Variants in LGALS8 observed in about 807,000 individuals in gnomAD.
The protein encoded by LGALS8 is galectin-8.
LGALS8 carries 30 observed loss-of-function variants against 35.9 expected under a neutral mutation model. The ratio of observed to expected loss-of-function variants is 0.83; its 90% CI spans 0.62 to 1.13. The LOEUF is 1.13. Among genes scored for constraint, LGALS8 ranks in the 50% most tolerant of loss-of-function variants. The pLI is 0.00. For missense variants in LGALS8, 366 were observed against 388.7 expected, an observed-to-expected ratio of 0.94 and a Z score of 0.49; for synonymous variants, 138 against 136.1, an observed-to-expected ratio of 1.01 and a Z score of -0.10.
At chr1:236,541,595 A>G in intron 5 of LGALS8, 59 bp from the exon 6 acceptor site, 1 of 754,128 alleles carries the variant, frequency 1.3e-6, no homozygotes, top group South Asian at 1.8e-5. Flanking sequence ...TCAATATAAA[A>G]TATTTAGAAA....
chr1:236,524,465 C>T (rs756292192), intron 1 of LGALS8: 5 of 456,298 alleles, frequency 1.1e-5, no homozygotes, highest in East Asian at 1.4e-4. Flanking sequence ...AGTTTCCTTC[C>T]CGGAATTTGT....
chr1:236,532,542 C>G (rs113592401), intron 2 of LGALS8, among the ~76,000 whole-genome samples: 3,776 of 152,140 alleles, frequency 0.025, 148 homozygotes, highest in African/African-American at 0.085. Flanking sequence ...TCATCTTCCT[C>G]CTGAAACCTG....
chr1:236,542,706 T>C, intron 6 of LGALS8, 55 bp from the exon 7 acceptor site: 1 of 1,587,060 alleles, frequency 6.3e-7, no homozygotes, highest in Admixed American at 1.7e-5. Context: ...CTTCAGATTA[T>C]AAACTATAAT....
In LGALS8 at chr1:236,551,139, C is replaced by T; in HGVS notation, c.*2978C>T. 1 of 621,148 alleles carries T rather than the reference C, an allele frequency of 1.6e-6. No individual in the cohort carries two copies. Among genetic ancestry groups the T allele is most frequent in the East Asian group, 2.8e-5 (1 of 35,136 alleles). 38.5% of individuals were successfully genotyped at this position (621,148 alleles called of 1,614,324 possible). The stretch of plus-strand genomic sequence containing the variant: ...AGCACATTAACAAAGCAGGAGGCGC[C>T]ACGGACCGCCTCCCTCCACACCGCT... On this transcript the variant is annotated 3_prime_UTR_variant, in exon 10 of 10. Transcript: ENST00000366584.
chr1:236,543,503 T>A (rs1377367283), intron 7 of LGALS8, 57 bp from the exon 8 acceptor site: 1 of 1,265,002 alleles, frequency 7.9e-7, no homozygotes, highest in Admixed American at 1.7e-5. Context: ...GGACACGAGT[T>A]TTCCCTGGAG....
At chr1:236,518,767 C>T (rs890454503), upstream of LGALS8, among the ~76,000 whole-genome samples, 1 of 152,100 alleles carries the variant, frequency 6.6e-6, no homozygotes, top group African/African-American at 2.4e-5. Context: ...TCATATCTAA[C>T]TTGTATTCCA....
rs747151576 is a variant in LGALS8 at position 236,550,872 on chromosome 1, TGAGTA to T, written c.*2717_*2721del. The stretch of plus-strand genomic sequence containing the variant: ...AAATATGAAATATGAGTGTGAACTC[TGAGTA>T]GAGTATGAAACACCACAGAAAGTCT... On this transcript the variant is annotated 3_prime_UTR_variant, in exon 10 of 10. Transcript: ENST00000366584. The T allele has an allele frequency of 6.3e-5, 96 of 1,521,610 alleles. No homozygotes were observed. The highest frequency in any genetic ancestry group is 5.2e-4 in the Middle Eastern group (3 of 5,746). The allele number at this position is 1,521,610 out of a possible 1,614,324, so 94.3% of individuals were successfully genotyped here.
Position 236,551,878 on chromosome 1 carries a change from G to A in LGALS8, c.*3717G>A. On this transcript the variant is annotated 3_prime_UTR_variant, in exon 10 of 10. Transcript: ENST00000366584. ...TTTGAGACTGGAGCTGCCTGTATGA[G>A]GACTGGATCAACTGCTAGTCACGTT... is the stretch of plus-strand genomic sequence containing the variant. The A allele has an allele frequency of 1.4e-6, 1 of 691,090 alleles. No homozygotes were observed. Among genetic ancestry groups the A allele is most frequent in the Non-Finnish European group, 2.5e-6 (1 of 394,386 alleles). 42.8% of individuals were successfully genotyped at this position (691,090 alleles called of 1,614,324 possible). A position where few individuals can be genotyped will look rare whatever the true frequency, so the allele number is the denominator to read the frequency against.
Position 236,548,451 on chromosome 1 carries a change from C to T in LGALS8, c.*290C>T, listed in dbSNP as rs1662549332. 2 of 416,120 alleles carry T rather than the reference C, an allele frequency of 4.8e-6. No individual in the cohort carries two copies. Among genetic ancestry groups the T allele is most frequent in the Non-Finnish European group, 8.7e-6 (2 of 228,788 alleles). The allele number at this position is 416,120 out of a possible 1,614,324, so 25.8% of individuals were successfully genotyped here. A position where few individuals can be genotyped will look rare whatever the true frequency, so the allele number is the denominator to read the frequency against. ...CATTCAACAAGTATTTATGGAGTAC[C>T]TACTATAATACAGTAGCTAACATGT... On this transcript the variant is annotated 3_prime_UTR_variant, in exon 10 of 10. Transcript: ENST00000366584.
chr1:236,519,065 C>G (rs761506568), upstream of LGALS8, among the ~76,000 whole-genome samples: 1 of 151,888 alleles, frequency 6.6e-6, no homozygotes, highest in Non-Finnish European at 1.5e-5. Flanking sequence ...AATGTGGGCT[C>G]TATATATATA....
chr1:236,550,076 A>C lies in LGALS8; in HGVS notation c.*1915A>C, dbSNP rs1255206793. 3.3e-5 allele frequency: 5 copies of C among 152,184 alleles called. No homozygotes were observed. The highest frequency in any genetic ancestry group is 1.2e-4 in the African/African-American group (5 of 41,448). The allele number at this position is 152,184 out of a possible 1,614,324, so 9.4% of individuals were successfully genotyped here. On this transcript the variant is annotated 3_prime_UTR_variant, in exon 10 of 10. Coordinates refer to ENST00000366584, the MANE Select transcript of LGALS8 (RefSeq NM_201544.4). ...ATTTGAACCCTCACTTTCCAACTTC[A>C]CCATGACCCAGTACTAGAGATTAGG...
At position 236,549,174 on chromosome 1, in the gene LGALS8, G is replaced by A. The variant is rs1280583619; in HGVS notation, c.*1013G>A. 1.3e-5 allele frequency: 5 copies of A among 393,674 alleles called. No individual in the cohort carries two copies. Among genetic ancestry groups the A allele is most frequent in the African/African-American group, 4.1e-5 (2 of 48,526 alleles). 24.4% of individuals were successfully genotyped at this position (393,674 alleles called of 1,614,324 possible). On this transcript the variant is annotated 3_prime_UTR_variant, in exon 10 of 10. Coordinates refer to ENST00000366584, the MANE Select transcript of LGALS8 (RefSeq NM_201544.4). Reference sequence around the variant, plus strand: ...CATGAAATCACCAATCAAGGCCTCCGTTCTTCTAAAGATTAGTCCATCATC... The same window carrying A: ...CATGAAATCACCAATCAAGGCCTCCATTCTTCTAAAGATTAGTCCATCATC...
rs2103113984 is a variant in LGALS8 at position 236,548,342 on chromosome 1, T to C, written c.*181T>C. ...AAGTATGGTGGTGTCTAGCACTGAA[T>C]GGGGAAACTGGGGGCAGCAACACTT... On this transcript the variant is annotated 3_prime_UTR_variant, in exon 10 of 10. Transcript: ENST00000366584. The C allele has an allele frequency of 3.3e-6, 2 of 599,384 alleles. No homozygotes were observed. The highest frequency in any genetic ancestry group is 2.9e-6 in the Non-Finnish European group (1 of 344,184). 37.1% of individuals were successfully genotyped at this position (599,384 alleles called of 1,614,324 possible). A position where few individuals can be genotyped will look rare whatever the true frequency, so the allele number is the denominator to read the frequency against.
chr1:236,533,390 A>C (rs1302882964), intron 2 of LGALS8, among the ~76,000 whole-genome samples: 1 of 150,876 alleles, frequency 6.6e-6, no homozygotes, highest in Admixed American at 6.6e-5. Context: ...GCTGGAGTGC[A>C]ATGGCCCGAT....
intron 7 of LGALS8, 64 bp from the exon 8 acceptor site, chr1:236,543,496 C>T (rs1187354298): frequency 8.6e-7 from 1 of 1,158,834 alleles, no homozygotes; most frequent in Admixed American, 1.7e-5. Context: ...GTTCTTTGGA[C>T]ACGAGTTTTC....
In LGALS8 at chr1:236,551,274, C is replaced by G. The variant is rs1272123777; in HGVS notation, c.*3113C>G. 1.5e-5 allele frequency: 6 copies of G among 398,980 alleles called. No homozygotes were observed. The East Asian group carries it at 2.2e-4, about 14-fold the overall frequency. 24.7% of individuals were successfully genotyped at this position (398,980 alleles called of 1,614,324 possible). A position where few individuals can be genotyped will look rare whatever the true frequency, so the allele number is the denominator to read the frequency against. ...CCCTTTAGTAGCTCACACCTCCCCC[C>G]TCCAAGAGCTAAGAAACAAAGGAGA... On this transcript the variant is annotated 3_prime_UTR_variant, in exon 10 of 10. Transcript: ENST00000366584.
rs917242970 is a variant in LGALS8 at position 236,548,974 on chromosome 1, T to A, written c.*813T>A. 4 of 398,490 alleles carry A rather than the reference T, an allele frequency of 1.0e-5. No homozygotes were observed. The highest frequency in any genetic ancestry group is 8.8e-6 in the Non-Finnish European group (2 of 226,068). The allele number at this position is 398,490 out of a possible 1,614,324, so 24.7% of individuals were successfully genotyped here. ...GCAAATCAGAGTCTACACAGACGCC[T>A]ACAGAAAGTTTCAGGAAGAGGCAAG... On this transcript the variant is annotated 3_prime_UTR_variant, in exon 10 of 10. Transcript: ENST00000366584.
chr1:236,540,178 T>G, intron 4 of LGALS8: 1 of 180,250 alleles, frequency 5.5e-6, no homozygotes, highest in East Asian at 1.5e-4. Flanking sequence ...CCAGGGACAG[T>G]GTTGTGGGGA....
At position 236,551,792 on chromosome 1, in the gene LGALS8, T is replaced by A; in HGVS notation, c.*3631T>A. 1.9e-6 allele frequency: 1 copy of A among 525,548 alleles called. No homozygotes were observed. Among genetic ancestry groups the A allele is most frequent in the Non-Finnish European group, 3.4e-6 (1 of 295,796 alleles). 32.6% of individuals were successfully genotyped at this position (525,548 alleles called of 1,614,324 possible). On this transcript the variant is annotated 3_prime_UTR_variant, in exon 10 of 10. Coordinates refer to ENST00000366584, the MANE Select transcript of LGALS8 (RefSeq NM_201544.4). ...AACGGACTCTCAAATGATCAGGAGG[T>A]GGTCACTTCGCAACTTGCTCCCTCC...
Sources: gnomAD v4.1 joint callset for allele counts (sites outside exome capture counted in the v4.1 genomes callset) on GRCh38, gnomAD v4.1.1 for gene constraint, MANE v1.5 for transcripts, NCBI Gene and HGNC (gene_info 2026-07-23, HGNC 2026-07-21) for gene names.